Variants in KIF3C observed in about 807,000 individuals in gnomAD.
The protein encoded by KIF3C is kinesin-like protein KIF3C.
Under a neutral mutation model 67.7 loss-of-function variants are expected in KIF3C, and 12 were observed. The ratio of observed to expected loss-of-function variants is 0.18; its 90% CI spans 0.11 to 0.29. KIF3C has a LOEUF of 0.29. Among genes scored for constraint, KIF3C ranks in the 10% least tolerant of loss-of-function variants. The pLI, the probability that KIF3C is intolerant of heterozygous loss-of-function variation, is 1.00. For missense variants in KIF3C, 789 were observed against 1,059.6 expected (o/e 0.74, Z 3.55); for synonymous variants, 393 against 426.2 (o/e 0.92, Z 0.96).
At chr2:25,929,224 A>C in intron 7 of KIF3C, 81 bp downstream of exon 7, 1 of 1,524,082 alleles carries the variant, frequency 6.6e-7, no homozygotes, top group Non-Finnish European at 9.0e-7. Context: ...GTACCAGCAA[A>C]ACCCTCTTTA....
At chr2:25,978,625 A>G (rs567810487) in intron 1 of KIF3C, among the ~76,000 whole-genome samples, 23 of 151,954 alleles carry the variant, frequency 1.5e-4, no homozygotes, top group African/African-American at 5.3e-4. Context: ...CCTTAGATCC[A>G]AGGATCTCAC....
At chr2:25,969,666 T>C (rs1664228938) in intron 1 of KIF3C, among the ~76,000 whole-genome samples, 1 of 152,152 alleles carries the variant, frequency 6.6e-6, no homozygotes, top group South Asian at 2.1e-4. Context: ...TGAAGTTAAC[T>C]ATACCTACTG....
At position 25,927,306 on chromosome 2, in the gene KIF3C, G is replaced by A. The variant is rs2090419414; in HGVS notation, c.*1672C>T. The stretch of plus-strand genomic sequence containing the variant: ...TCCCCCTGCGCTCAGGCCACCTGGT[G>A]AATTTCTACACACAACTCCTGTCCC... On this transcript the variant is annotated 3_prime_UTR_variant, in exon 8 of 8. Coordinates refer to ENST00000264712, the MANE Select transcript of KIF3C (RefSeq NM_002254.8). 1 of 152,636 alleles carries A rather than the reference G, an allele frequency of 6.6e-6. No homozygotes were observed. The highest frequency in any genetic ancestry group is 6.5e-5 in the Admixed American group (1 of 15,278). The allele number at this position is 152,636 out of a possible 1,614,324, so 9.5% of individuals were successfully genotyped here. A position where few individuals can be genotyped will look rare whatever the true frequency, so the allele number is the denominator to read the frequency against.
rs1324852352 is a variant in KIF3C at position 25,953,663 on chromosome 2, TTTG to T, written c.1889+601_1889+603del. Among the ~76,000 whole-genome samples, 180 of 99,368 alleles carry T rather than the reference TTTG, an allele frequency of 1.8e-3. 1 individual carries two copies. The highest frequency in any genetic ancestry group is 6.9e-3 in the African/African-American group (167 of 24,122). The allele number at this position is 99,368 out of a possible 152,430, so 65.2% of individuals were successfully genotyped here. A position where few individuals can be genotyped will look rare whatever the true frequency, so the allele number is the denominator to read the frequency against. ...GCATGAGCCACTGCGCCCGGCCTTT[TTTG>T]TTTTTGTTTTTTTTTTTTTTTTGAG... On this transcript the variant is annotated intron_variant, in intron 4 of 7. Transcript: ENST00000264712.
At chr2:25,929,581 G>T in intron 6 of KIF3C, 104 bp from the exon 7 acceptor site, 1 of 948,726 alleles carries the variant, frequency 1.1e-6, no homozygotes. Flanking sequence ...GTGGTTAGGG[G>T]AAGCAGAGGC....
At chr2:25,959,771 C>T (rs1434953406) in intron 1 of KIF3C, among the ~76,000 whole-genome samples, 1 of 152,100 alleles carries the variant, frequency 6.6e-6, no homozygotes, top group East Asian at 1.9e-4. Flanking sequence ...AGTTTCTCCT[C>T]CCATTCATCA....
intron 5 of KIF3C, among the ~76,000 whole-genome samples, chr2:25,930,484 G>A (rs1003423979): frequency 6.6e-6 from 1 of 151,970 alleles, no homozygotes; most frequent in African/African-American, 2.4e-5. Flanking sequence ...TCAGCCTCCC[G>A]AGTAGCTGGG....
At chr2:25,967,631 AC>A (rs1461293138) in intron 1 of KIF3C, among the ~76,000 whole-genome samples, 2 of 152,152 alleles carry the variant, frequency 1.3e-5, no homozygotes, top group African/African-American at 2.4e-5. Context: ...ACATAGTGAG[AC>A]CCCATCTCTA....
chr2:25,961,876 A>G (rs1397759661), intron 1 of KIF3C, among the ~76,000 whole-genome samples: 3 of 148,064 alleles, frequency 2.0e-5, no homozygotes, highest in African/African-American at 7.5e-5. Context: ...CTTGAACCCG[A>G]GGCGGAGGTT....
chr2:25,962,048 C>A (rs532363004), intron 1 of KIF3C, among the ~76,000 whole-genome samples: 21 of 152,174 alleles, frequency 1.4e-4, no homozygotes, highest in Admixed American at 4.6e-4. Flanking sequence ...AAGGAAAGAT[C>A]CAGGCTTTTC....
chr2:25,970,667 C>CAA (rs397984116), intron 1 of KIF3C, among the ~76,000 whole-genome samples: 533 of 53,916 alleles, frequency 9.9e-3, no homozygotes, highest in East Asian at 0.016. Context: ...AACTTTGTCT[C>CAA]AAAAAAAAAA....
intron 1 of KIF3C, among the ~76,000 whole-genome samples, chr2:25,957,292 G>A (rs112809336): frequency 2.6e-5 from 4 of 152,228 alleles, no homozygotes; most frequent in South Asian, 2.1e-4. Context: ...TTTGAACCTC[G>A]TACCCCCAGT....
Position 25,929,042 on chromosome 2 carries a change from G to T in KIF3C, c.2318C>A (p.Ser773Tyr). ...AGAGGCCAGGGAGGCATGTGTGGTG[G>T]AAGGTGGAGGCCGCTGAGGACTCTG... is the stretch of plus-strand genomic sequence containing the variant. ...WCQSPQRPPPSTTHASLASAS... is the reference protein window; with the variant it reads ...WCQSPQRPPPYTTHASLASAS... Residue 773 changes from serine to tyrosine, a missense_variant, in exon 8 of 8, where the codon TCC (serine) becomes TAC (tyrosine). By Grantham distance (144) the Ser-to-Tyr change is moderately radical. Coordinates refer to ENST00000264712, the MANE Select transcript of KIF3C (RefSeq NM_002254.8). 1.2e-6 allele frequency: 2 copies of T among 1,613,842 alleles called. No individual in the cohort carries two copies. Among genetic ancestry groups the T allele is most frequent in the Non-Finnish European group, 8.5e-7 (1 of 1,179,928 alleles).
chr2:25,929,163 C>T, intron 7 of KIF3C, 92 bp from the exon 8 acceptor site: 1 of 1,406,918 alleles, frequency 7.1e-7, no homozygotes, highest in Non-Finnish European at 9.9e-7. Context: ...CCTGTTGCTG[C>T]AGGAATCCTT....
intron 5 of KIF3C, among the ~76,000 whole-genome samples, chr2:25,949,896 A>G (rs950161410): frequency 1.3e-5 from 2 of 150,196 alleles, no homozygotes; most frequent in Non-Finnish European, 3.0e-5. Flanking sequence ...GTTTGAACCC[A>G]GGAAGCGGAG....
At position 25,956,789 on chromosome 2, in the gene KIF3C, G is replaced by C. The variant is rs552663756; in HGVS notation, c.1546-345C>G. 5.9e-5 allele frequency among the ~76,000 whole-genome samples: 9 copies of C among 152,344 alleles called. No homozygotes were observed. The East Asian group carries it at 1.7e-3, about 29-fold the overall frequency. Reference sequence around the variant, plus strand: ...ACCTAATCCTGGCAACCAGGACCCAGCTGGTGTTGAGGATTGGGAAAGATA... The same window carrying C: ...ACCTAATCCTGGCAACCAGGACCCACCTGGTGTTGAGGATTGGGAAAGATA... On this transcript the variant is annotated intron_variant, in intron 1 of 7. Coordinates refer to ENST00000264712, the MANE Select transcript of KIF3C (RefSeq NM_002254.8).
intron 5 of KIF3C, among the ~76,000 whole-genome samples, chr2:25,935,249 AAAAT>A (rs202199708): frequency 7.7e-4 from 117 of 152,308 alleles, no homozygotes; most frequent in Middle Eastern, 3.4e-3. Flanking sequence ...GTCTTAAAAA[AAAAT>A]AAATAATAAA....
chr2:25,962,747 T>TATATA (rs1231021595), intron 1 of KIF3C, among the ~76,000 whole-genome samples: 1 of 114,974 alleles, frequency 8.7e-6, no homozygotes, highest in Non-Finnish European at 1.7e-5. Context: ...ACCTAATATA[T>TATATA]ATATAATATA....
intron 5 of KIF3C, among the ~76,000 whole-genome samples, chr2:25,936,482 T>A (rs1326497801): frequency 1.3e-5 from 2 of 151,996 alleles, no homozygotes; most frequent in African/African-American, 2.4e-5. Context: ...ATCTCAAAAA[T>A]TTTTTTACAA....
Sources: gnomAD v4.1 joint callset for allele counts (sites outside exome capture counted in the v4.1 genomes callset) on GRCh38, gnomAD v4.1.1 for gene constraint, MANE v1.5 for transcripts, NCBI Gene and HGNC (gene_info 2026-07-23, HGNC 2026-07-21) for gene names.